The following SH3PXD2A variants were observed in gnomAD, a reference collection of about 807,000 sequenced individuals.
The protein encoded by SH3PXD2A is SH3 and PX domain-containing protein 2A.
Under a neutral mutation model 115.2 loss-of-function variants are expected in SH3PXD2A, and 32 were observed. The ratio of observed to expected loss-of-function variants is 0.28; its 90% CI spans 0.21 to 0.37. SH3PXD2A has a LOEUF of 0.37. SH3PXD2A is among the 10% of genes least tolerant of loss of function. The pLI is 1.00. For missense variants in SH3PXD2A, 1,328 were observed against 1,498.7 expected, an observed-to-expected ratio of 0.89 and a Z score of 1.88; for synonymous variants, 610 against 629.1, an observed-to-expected ratio of 0.97 and a Z score of 0.45.
chr10:103,704,033 C>T (rs993112649), intron 5 of SH3PXD2A, among the ~76,000 whole-genome samples: 9 of 152,224 alleles, frequency 5.9e-5, no homozygotes, highest in Admixed American at 2.0e-4. Context: ...TAAAGTCCCC[C>T]GTGCACAGTC....
chr10:103,783,872 C>T (rs570405062), intron 2 of SH3PXD2A, among the ~76,000 whole-genome samples: 110 of 152,338 alleles, frequency 7.2e-4, no homozygotes, highest in African/African-American at 2.6e-3. Flanking sequence ...AAGCAGCCCC[C>T]GCAGTGAGGC....
chr10:103,602,398 G>T lies in SH3PXD2A; in HGVS notation c.2820C>A (p.Asn940Lys). The T allele has an allele frequency of 6.2e-7, 1 of 1,614,088 alleles. No individual in the cohort carries two copies. The highest frequency in any genetic ancestry group is 8.5e-7 in the Non-Finnish European group (1 of 1,180,018). Residue 940 changes from asparagine (N) to lysine (K), a missense_variant, in exon 15 of 15, where the codon AAC becomes AAA. Around this residue, in one of 5 missense-constraint regions of SH3PXD2A, gnomAD observed 574 missense variants for 565.7 expected, o/e 1.01. Coordinates refer to ENST00000369774, the MANE Select transcript of SH3PXD2A (RefSeq NM_001394015.1). ...ERRVQALNTV[N>K]QSKKATPPIP... ...TGGGGGGCGTGGCCTTCTTGCTCTGGTTGACGGTGTTCAGTGCTTGGACGC... is the reference window on the plus strand; with the variant it reads ...TGGGGGGCGTGGCCTTCTTGCTCTGTTTGACGGTGTTCAGTGCTTGGACGC...
chr10:103,848,156 C>A (rs1842865619), intron 1 of SH3PXD2A, among the ~76,000 whole-genome samples: 1 of 152,116 alleles, frequency 6.6e-6, no homozygotes, highest in South Asian at 2.1e-4. Flanking sequence ...ATCAGGCCCT[C>A]CCAAGCTAGT....
chr10:103,617,059 G>A (rs2036529553), intron 11 of SH3PXD2A, 138 bp downstream of exon 11: 2 of 682,372 alleles, frequency 2.9e-6, no homozygotes, highest in Admixed American at 4.5e-5. Context: ...CTGTGCAGAG[G>A]TGCAGCAGCC....
intron 6 of SH3PXD2A, among the ~76,000 whole-genome samples, chr10:103,691,475 G>A (rs2037750872): frequency 6.6e-6 from 1 of 152,116 alleles, no homozygotes; most frequent in African/African-American, 2.4e-5. Flanking sequence ...TGTGGGCGGT[G>A]ACAGAACACA....
chr10:103,649,145 G>C lies in SH3PXD2A; in HGVS notation c.604+11838C>G, dbSNP rs73333337. ...GTTTTCAGGTCCCTAGGGGTAAGAT[G>C]GAATCTTAGGAGCTCCAGAACTGCA... On this transcript the variant is annotated intron_variant, in intron 8 of 14. Coordinates refer to ENST00000369774, the MANE Select transcript of SH3PXD2A (RefSeq NM_001394015.1). Among the ~76,000 whole-genome samples the C allele has an allele frequency of 5.6e-3, 847 of 152,268 alleles. 8 individuals carry two copies. Among genetic ancestry groups the C allele is most frequent in the African/African-American group, 0.019 (784 of 41,548 alleles).
chr10:103,694,289 G>A (rs968341335), intron 5 of SH3PXD2A, among the ~76,000 whole-genome samples: 1 of 152,090 alleles, frequency 6.6e-6, no homozygotes, highest in African/African-American at 2.4e-5. Flanking sequence ...TGGGGGTTTG[G>A]GGGGATGCGG....
At chr10:103,778,360 A>G (rs938864982) in intron 2 of SH3PXD2A, among the ~76,000 whole-genome samples, 6 of 152,166 alleles carry the variant, frequency 3.9e-5, no homozygotes, top group Admixed American at 2.6e-4. Flanking sequence ...GGAAATGAAT[A>G]GGTAGAGCGC....
chr10:103,659,380 G>A (rs2037258486), intron 8 of SH3PXD2A, among the ~76,000 whole-genome samples: 1 of 152,204 alleles, frequency 6.6e-6, no homozygotes, highest in Admixed American at 6.5e-5. Flanking sequence ...CAGAAGTTCT[G>A]AGAAGAACCA....
chr10:103,815,831 G>A (rs1348746634), intron 1 of SH3PXD2A, among the ~76,000 whole-genome samples: 1 of 151,600 alleles, frequency 6.6e-6, no homozygotes, highest in Non-Finnish European at 1.5e-5. Context: ...AGAGGTTGTG[G>A]TGAGCTGAGA....
chr10:103,605,728 A>T, intron 14 of SH3PXD2A, 70 bp downstream of exon 14: 1 of 1,602,598 alleles, frequency 6.2e-7, no homozygotes, highest in Non-Finnish European at 8.5e-7. Flanking sequence ...AGCAAGGCCT[A>T]AAATGGGAAA....
At chr10:103,775,589 C>G in intron 2 of SH3PXD2A, among the ~76,000 whole-genome samples, 1 of 152,138 alleles carries the variant, frequency 6.6e-6, no homozygotes, top group East Asian at 1.9e-4. Context: ...GTGGGCCTGT[C>G]AGGATTGCTA....
intron 5 of SH3PXD2A, among the ~76,000 whole-genome samples, chr10:103,714,512 G>A (rs1366184438): frequency 1.3e-5 from 2 of 152,162 alleles, no homozygotes; most frequent in Non-Finnish European, 1.5e-5. Context: ...CCAGCTCGCC[G>A]ACCCAGCATG....
In SH3PXD2A at chr10:103,611,613, T is replaced by C; in HGVS notation, c.1276A>G (p.Thr426Ala). The change falls in exon 13 of 15, where the codon ACA (threonine) becomes GCA (alanine). Residue 426 changes from threonine (T) to alanine (A), a missense_variant. Thr to Ala is a moderately conservative substitution (Grantham distance 58). Coordinates refer to ENST00000369774, the MANE Select transcript of SH3PXD2A (RefSeq NM_001394015.1). Reference sequence around the variant, plus strand: ...GATTCTCTGCGTGGTGGAGGTCTTGTCCGTAGGTTCGGGGAGCCTAGAGGA... The same window carrying C: ...GATTCTCTGCGTGGTGGAGGTCTTGCCCGTAGGTTCGGGGAGCCTAGAGGA... The part of the protein sequence containing the change: ...RAQISSPNLR[T>A]RPPPRRESSL... 6.2e-7 allele frequency: 1 copy of C among 1,614,144 alleles called. No homozygotes were observed. Among genetic ancestry groups the C allele is most frequent in the Non-Finnish European group, 8.5e-7 (1 of 1,179,956 alleles).
intron 11 of SH3PXD2A, among the ~76,000 whole-genome samples, chr10:103,614,775 G>A (rs540999686): frequency 1.9e-4 from 26 of 134,968 alleles, no homozygotes; most frequent in Admixed American, 5.3e-4. Context: ...CCCGCCCACC[G>A]TCTTCCTGAT....
chr10:103,831,422 G>A (rs776876135), intron 1 of SH3PXD2A, among the ~76,000 whole-genome samples: 4 of 152,170 alleles, frequency 2.6e-5, no homozygotes, highest in Non-Finnish European at 5.9e-5. Context: ...CAACCTGAAG[G>A]TATGTGTGGC....
intron 3 of SH3PXD2A, chr10:103,747,203 T>C (rs989386852): frequency 2.0e-5 from 3 of 152,664 alleles, no homozygotes; most frequent in African/African-American, 7.2e-5. Flanking sequence ...CCCCACACAT[T>C]AGGGACGGCA....
chr10:103,729,856 C>T (rs2134178847), intron 4 of SH3PXD2A, among the ~76,000 whole-genome samples: 1 of 152,322 alleles, frequency 6.6e-6, no homozygotes, highest in Non-Finnish European at 1.5e-5. Context: ...GTCTCCAGCT[C>T]CTGCCCCTCA....
At chr10:103,701,859 T>TCA (rs2037914641) in intron 5 of SH3PXD2A, among the ~76,000 whole-genome samples, 1 of 147,662 alleles carries the variant, frequency 6.8e-6, no homozygotes, top group South Asian at 2.2e-4. Flanking sequence ...CCACCATCCA[T>TCA]TTACCATCTA....
Sources: allele counts gnomAD v4.1 joint callset (sites outside exome capture counted in the v4.1 genomes callset), GRCh38; gene constraint gnomAD v4.1.1; regional missense constraint gnomAD v4.1.1; transcripts MANE v1.5; gene names NCBI Gene and HGNC (gene_info 2026-07-23, HGNC 2026-07-21).